The following KCNH8 variants were observed in gnomAD, a reference collection of about 807,000 sequenced individuals.
KCNH8 encodes voltage-gated delayed rectifier potassium channel KCNH8.
In KCNH8, 70 loss-of-function variants were observed where a neutral mutation model predicts 103.6. That is an observed-to-expected ratio of 0.68 (90% confidence interval 0.56 to 0.82). The LOEUF (loss-of-function observed/expected upper bound fraction) is 0.82, where lower values mean the gene tolerates loss of function less well. KCNH8 is among the 40% of genes least tolerant of loss of function. The pLI, the probability that KCNH8 is intolerant of heterozygous loss-of-function variation, is 0.00. For synonymous variants in KCNH8, 498 were observed against 489.4 expected, an observed-to-expected ratio of 1.02 and a Z score of -0.23; for missense variants, 1,217 against 1,329.9, an observed-to-expected ratio of 0.92 and a Z score of 1.32.
intron 1 of KCNH8, among the ~76,000 whole-genome samples, chr3:19,198,938 G>C (rs2063629527): frequency 6.6e-6 from 1 of 151,988 alleles, no homozygotes; most frequent in African/African-American, 2.4e-5. Flanking sequence ...CAAGGCCACT[G>C]CCTGGAAGAG....
intron 1 of KCNH8, among the ~76,000 whole-genome samples, chr3:19,188,882 G>A (rs142923708): frequency 1.5e-3 from 223 of 151,948 alleles, no homozygotes; most frequent in African/African-American, 5.0e-3. Flanking sequence ...GGGTTCAGGC[G>A]ATCCTCCCAC....
intron 11 of KCNH8, among the ~76,000 whole-genome samples, chr3:19,463,286 A>G (rs568845108): frequency 6.6e-6 from 1 of 152,266 alleles, no homozygotes; most frequent in South Asian, 2.1e-4. Context: ...GAGTAGTCCT[A>G]TGCATTAAGT....
intron 3 of KCNH8, among the ~76,000 whole-genome samples, chr3:19,341,674 C>T (rs1195346295): frequency 2.6e-5 from 4 of 152,004 alleles, no homozygotes; most frequent in African/African-American, 7.2e-5. Context: ...CCAGAAAAAT[C>T]AATACAAATG....
chr3:19,426,034 G>A (rs1191381000), intron 7 of KCNH8, among the ~76,000 whole-genome samples: 3 of 152,222 alleles, frequency 2.0e-5, no homozygotes, highest in African/African-American at 7.2e-5. Flanking sequence ...TGACAACGCA[G>A]AGAATCATGT....
chr3:19,332,671 G>A (rs888008591), intron 3 of KCNH8, among the ~76,000 whole-genome samples: 6 of 151,690 alleles, frequency 4.0e-5, no homozygotes, highest in African/African-American at 1.2e-4. Context: ...GTCTCCCTCT[G>A]TCCCCTAGGC....
Position 19,492,830 on chromosome 3 carries a change from CGTGTGTGTGTGTGTGTGTGTGTGTGT to C in KCNH8, c.2041-17503_2041-17478del, listed in dbSNP as rs67383228. 5.3e-3 allele frequency among the ~76,000 whole-genome samples: 654 copies of C among 123,508 alleles called. 6 individuals are homozygous for C. The highest frequency in any genetic ancestry group is 0.025 in the South Asian group (83 of 3,294). 81.0% of individuals were successfully genotyped at this position (123,508 alleles called of 152,430 possible). ...AGTCCTTGAGCATGGAATGTTTTTT[CGTGTGTGTGTGTGTGTGTGTGTGTGT>C]GTGTGTGTGTGTGTGTGTGTGTGTG... On this transcript the variant is annotated intron_variant, in intron 11 of 15. Transcript: ENST00000328405.
chr3:19,455,616 A>T (rs2067519506), intron 10 of KCNH8, among the ~76,000 whole-genome samples: 1 of 152,150 alleles, frequency 6.6e-6, no homozygotes. Flanking sequence ...GGTGAATACC[A>T]ACATGGTATT....
At chr3:19,328,524 G>T in intron 3 of KCNH8, among the ~76,000 whole-genome samples, 1 of 151,998 alleles carries the variant, frequency 6.6e-6, no homozygotes, top group East Asian at 1.9e-4. Flanking sequence ...ATGTTGAATT[G>T]CACAACCAGA....
At chr3:19,356,671 A>G (rs1479001770) in intron 5 of KCNH8, among the ~76,000 whole-genome samples, 1 of 151,944 alleles carries the variant, frequency 6.6e-6, no homozygotes, top group African/African-American at 2.4e-5. Context: ...AATCGAATCC[A>G]ATCTTTCTTA....
At chr3:19,310,940 T>C (rs1216187980) in intron 3 of KCNH8, among the ~76,000 whole-genome samples, 1 of 151,848 alleles carries the variant, frequency 6.6e-6, no homozygotes, top group Non-Finnish European at 1.5e-5. Context: ...CTGTTACATT[T>C]TTCCTCTTCA....
At chr3:19,250,642 G>A (rs1266665440) in intron 1 of KCNH8, among the ~76,000 whole-genome samples, 2 of 152,128 alleles carry the variant, frequency 1.3e-5, no homozygotes, top group Non-Finnish European at 2.9e-5. Context: ...TAGGACTTAT[G>A]ATAGACCATC....
intron 6 of KCNH8, among the ~76,000 whole-genome samples, chr3:19,394,820 A>T (rs920776556): frequency 2.4e-4 from 36 of 152,092 alleles, no homozygotes; most frequent in African/African-American, 8.4e-4. Flanking sequence ...TCAGAATGTA[A>T]ACTGCAGTAT....
At chr3:19,318,322 G>T (rs2065301865) in intron 3 of KCNH8, among the ~76,000 whole-genome samples, 1 of 151,532 alleles carries the variant, frequency 6.6e-6, no homozygotes, top group Admixed American at 6.6e-5. Context: ...AGTGGTGTTT[G>T]GTTACATAAA....
intron 15 of KCNH8, among the ~76,000 whole-genome samples, chr3:19,524,981 G>T (rs894373705): frequency 6.6e-6 from 1 of 151,764 alleles, no homozygotes; most frequent in Admixed American, 6.6e-5. Flanking sequence ...GGAAAAGGTC[G>T]GTTGTCAGAA....
In KCNH8 at chr3:19,316,657, GA is replaced by G. The variant is rs548024397; in HGVS notation, c.443-25928del. Among the ~76,000 whole-genome samples, 1,418 of 152,030 alleles carry G rather than the reference GA, an allele frequency of 9.3e-3. 7 individuals are homozygous for G. The highest frequency in any genetic ancestry group is 0.013 in the Non-Finnish European group (875 of 67,908). Reference sequence around the variant, plus strand: ...CAATATCATGCTAAGGTTGTAATAGGAAGATTGTATTATTGATTCTGCTCTT... The same window carrying G: ...CAATATCATGCTAAGGTTGTAATAGGAGATTGTATTATTGATTCTGCTCTT... On this transcript the variant is annotated intron_variant, in intron 3 of 15. Coordinates refer to ENST00000328405, the MANE Select transcript of KCNH8 (RefSeq NM_144633.3).
chr3:19,335,590 C>G (rs1420998394), intron 3 of KCNH8, among the ~76,000 whole-genome samples: 9 of 150,756 alleles, frequency 6.0e-5, no homozygotes, highest in Non-Finnish European at 1.2e-4. Flanking sequence ...CTTTTATTCT[C>G]TGAAGTTGTC....
intron 1 of KCNH8, among the ~76,000 whole-genome samples, chr3:19,185,320 G>A (rs2063491845): frequency 6.6e-6 from 1 of 151,876 alleles, no homozygotes; most frequent in Admixed American, 6.6e-5. Context: ...TCATTCAGGT[G>A]AGTGTATAGT....
At chr3:19,318,668 C>CGTGTGT (rs1559474398) in intron 3 of KCNH8, among the ~76,000 whole-genome samples, 9 of 143,510 alleles carry the variant, frequency 6.3e-5, no homozygotes, top group East Asian at 4.1e-4. Flanking sequence ...TGTGTACACA[C>CGTGTGT]ACACACACAC....
chr3:19,393,222 A>G (rs779747548), intron 6 of KCNH8, among the ~76,000 whole-genome samples: 4 of 152,038 alleles, frequency 2.6e-5, no homozygotes, highest in Non-Finnish European at 4.4e-5. Flanking sequence ...ACATATTTCC[A>G]TCTAAGTCAA....
Sources: gnomAD v4.1 joint callset for allele counts (sites outside exome capture counted in the v4.1 genomes callset) on GRCh38, gnomAD v4.1.1 for gene constraint, MANE v1.5 for transcripts, NCBI Gene and HGNC (gene_info 2026-07-23, HGNC 2026-07-21) for gene names.